Variants in FGGY observed in about 807,000 individuals in gnomAD.
FGGY encodes FGGY carbohydrate kinase domain-containing protein.
In FGGY, 72 loss-of-function variants were observed where a neutral mutation model predicts 71.3. That is an observed-to-expected ratio of 1.01 (90% CI 0.84 to 1.23). FGGY has a LOEUF of 1.23. Among genes scored for constraint, FGGY ranks in the 50% most tolerant of loss-of-function variants. The pLI is 0.00. For missense variants in FGGY, 668 were observed against 682.3 expected, an observed-to-expected ratio of 0.98 and a Z score of 0.23; for synonymous variants, 251 against 250.3, an observed-to-expected ratio of 1.00 and a Z score of -0.02.
At chr1:59,677,300 C>T (rs4244018) in intron 14 of FGGY, among the ~76,000 whole-genome samples, 110,598 of 151,656 alleles carry the variant, frequency 0.73, 41,280 homozygotes, top group East Asian at 0.83. Context: ...TTGCAGGGTA[C>T]CTGCCTTCCC....
rs558575567 is a variant in FGGY, at chr1:59,653,612, T to C, written c.1222-6607T>C. On this transcript the variant is annotated intron_variant, in intron 11 of 15. Coordinates refer to ENST00000303721, the MANE Select transcript of FGGY (RefSeq NM_018291.5). The stretch of plus-strand genomic sequence containing the variant: ...GGCAATGCCTCGCCCTGCTTCGGCT[T>C]GCGCATGGTGCTTGCACCCACTGGC... 8.5e-4 allele frequency among the ~76,000 whole-genome samples: 129 copies of C among 152,340 alleles called. 2 individuals are homozygous for C. The highest frequency in any genetic ancestry group is 3.0e-3 in the African/African-American group (123 of 41,580).
intron 13 of FGGY, among the ~76,000 whole-genome samples, chr1:59,670,814 G>C (rs559823953): frequency 1.3e-5 from 2 of 152,150 alleles, no homozygotes; most frequent in Non-Finnish European, 2.9e-5. Flanking sequence ...TTGCCAGCTT[G>C]GGAAATGCTG....
intron 5 of FGGY, among the ~76,000 whole-genome samples, chr1:59,435,888 GGA>G (rs2068353532): frequency 6.6e-6 from 1 of 152,030 alleles, no homozygotes; most frequent in Non-Finnish European, 1.5e-5. Context: ...CCAGCATGAA[GGA>G]GATACACGAG....
chr1:59,496,298 C>T (rs774195993), intron 6 of FGGY, among the ~76,000 whole-genome samples: 3 of 151,878 alleles, frequency 2.0e-5, no homozygotes, highest in African/African-American at 4.8e-5. Context: ...AACAGTGGAC[C>T]GGATAAAGAA....
At chr1:59,668,536 C>T (rs2097345893) in intron 13 of FGGY, among the ~76,000 whole-genome samples, 1 of 152,244 alleles carries the variant, frequency 6.6e-6, no homozygotes, top group African/African-American at 2.4e-5. Flanking sequence ...TCCTCCATCC[C>T]CCTCTAAGCC....
chr1:59,722,285 T>C (rs1166882088), intron 14 of FGGY, among the ~76,000 whole-genome samples: 2 of 152,214 alleles, frequency 1.3e-5, no homozygotes, highest in African/African-American at 4.8e-5. Flanking sequence ...CTTATCGCTA[T>C]TGATGTTGGC....
intron 14 of FGGY, among the ~76,000 whole-genome samples, chr1:59,721,585 G>A (rs2097896724): frequency 1.3e-5 from 2 of 151,956 alleles, no homozygotes; most frequent in Admixed American, 1.3e-4. Context: ...TGATCCACCT[G>A]CCTTGGCTTC....
intron 7 of FGGY, among the ~76,000 whole-genome samples, chr1:59,537,822 C>T (rs1481205720): frequency 2.6e-5 from 4 of 152,132 alleles, no homozygotes; most frequent in Non-Finnish European, 4.4e-5. Flanking sequence ...AGATTCCTTC[C>T]TTACACCTTA....
intron 10 of FGGY, chr1:59,626,640 G>A (rs1442837800): frequency 6.6e-6 from 1 of 152,220 alleles, no homozygotes; most frequent in African/African-American, 2.4e-5. Context: ...GGCAGATCAC[G>A]AGTTCAGAGA....
intron 8 of FGGY, among the ~76,000 whole-genome samples, chr1:59,563,833 C>T (rs1007045453): frequency 3.9e-5 from 6 of 152,086 alleles, no homozygotes; most frequent in African/African-American, 1.4e-4. Flanking sequence ...GTACTGGTAC[C>T]AAAACAGATA....
intron 9 of FGGY, among the ~76,000 whole-genome samples, chr1:59,608,604 G>C (rs368528652): frequency 6.6e-6 from 1 of 152,088 alleles, no homozygotes; most frequent in African/African-American, 2.4e-5. Flanking sequence ...AGGCTGGGGC[G>C]GGCAGACCAC....
chr1:59,465,355 C>T (rs2092551337), intron 6 of FGGY, among the ~76,000 whole-genome samples: 1 of 152,102 alleles, frequency 6.6e-6, no homozygotes, highest in South Asian at 2.1e-4. Flanking sequence ...TGGAACATAT[C>T]TCAAAATAAT....
At chr1:59,554,258 C>T in intron 8 of FGGY, 31 bp downstream of exon 8, 1 of 1,559,204 alleles carries the variant, frequency 6.4e-7, no homozygotes, top group Non-Finnish European at 8.8e-7. Context: ...GGCAAGGCCA[C>T]CACACAGCAG....
intron 14 of FGGY, among the ~76,000 whole-genome samples, chr1:59,721,801 T>C (rs2097899175): frequency 6.6e-6 from 1 of 151,784 alleles, no homozygotes; most frequent in Admixed American, 6.6e-5. Context: ...TTAAACAGAG[T>C]GAAAGACACC....
At chr1:59,349,214 T>G (rs2052745541) in intron 4 of FGGY, among the ~76,000 whole-genome samples, 1 of 152,184 alleles carries the variant, frequency 6.6e-6, no homozygotes, top group South Asian at 2.1e-4. Context: ...CATCATGTCA[T>G]GCAGTAGTAA....
At position 59,354,621 on chromosome 1, in the gene FGGY, A is replaced by G. The variant is rs143698073; in HGVS notation, c.465+8223A>G. 3.5e-3 allele frequency among the ~76,000 whole-genome samples: 533 copies of G among 152,292 alleles called. 3 individuals carry two copies. Among genetic ancestry groups the G allele is most frequent in the Non-Finnish European group, 5.5e-3 (372 of 68,022 alleles). On this transcript the variant is annotated intron_variant, in intron 4 of 15. Transcript: ENST00000303721. Reference sequence around the variant, plus strand: ...TCGGGAGGATCTGAGGCTGTGAACAATGGTCAGTAGCTTCATTGTTTCATT... The same window carrying G: ...TCGGGAGGATCTGAGGCTGTGAACAGTGGTCAGTAGCTTCATTGTTTCATT...
intron 6 of FGGY, among the ~76,000 whole-genome samples, chr1:59,488,903 G>GC (rs777030083): frequency 6.6e-6 from 1 of 152,054 alleles, no homozygotes; most frequent in East Asian, 1.9e-4. Flanking sequence ...TTGCCAAATT[G>GC]CATTTCCAAC....
chr1:59,369,452 C>G (rs1007311215), intron 4 of FGGY, among the ~76,000 whole-genome samples: 5 of 152,204 alleles, frequency 3.3e-5, no homozygotes, highest in Non-Finnish European at 7.3e-5. Context: ...AGGAGGCCTG[C>G]CTGCCTCTGT....
At chr1:59,406,707 T>C (rs991717929) in intron 5 of FGGY, among the ~76,000 whole-genome samples, 4 of 152,222 alleles carry the variant, frequency 2.6e-5, no homozygotes, top group Non-Finnish European at 4.4e-5. Context: ...TGTTCCCTAA[T>C]TTAATGTTTT....
Sources: gnomAD v4.1 joint callset for allele counts (sites outside exome capture counted in the v4.1 genomes callset) on GRCh38, gnomAD v4.1.1 for gene constraint, MANE v1.5 for transcripts, NCBI Gene and HGNC (gene_info 2026-07-23, HGNC 2026-07-21) for gene names.